Variants in PAMR1 observed in about 807,000 individuals in gnomAD.
The protein encoded by PAMR1 is inactive serine protease PAMR1.
In PAMR1, 88 loss-of-function variants were observed where a neutral mutation model predicts 81.8. The observed-to-expected ratio is 1.08, with a 90% CI of 0.91 to 1.28. The LOEUF is 1.28. PAMR1 is among the 50% of genes most tolerant of loss of function. PAMR1 has a pLI of 0.00. For missense variants in PAMR1, 935 were observed against 919.7 expected (o/e 1.02, Z -0.21); for synonymous variants, 336 against 345.3 (o/e 0.97, Z 0.30).
At chr11:35,527,597 G>C (rs1420038082), upstream of PAMR1, among the ~76,000 whole-genome samples, 2 of 152,190 alleles carry the variant, frequency 1.3e-5, no homozygotes, top group African/African-American at 4.8e-5. Context: ...GGTTCACCTT[G>C]TTGCTGGCCA....
At chr11:35,438,167 A>G (rs1856092257) in intron 8 of PAMR1, among the ~76,000 whole-genome samples, 2 of 152,220 alleles carry the variant, frequency 1.3e-5, no homozygotes, top group Admixed American at 1.3e-4. Flanking sequence ...CAGATACTGA[A>G]TTTACATCCT....
intron 6 of PAMR1, among the ~76,000 whole-genome samples, chr11:35,467,675 T>G (rs1370178275): frequency 6.6e-6 from 1 of 152,228 alleles, no homozygotes; most frequent in Non-Finnish European, 1.5e-5. Flanking sequence ...TGGACAGGGA[T>G]ACAGACTGAG....
rs570700623 is a variant in PAMR1, at chr11:35,518,538, A to G, written c.73+6975T>C. The stretch of plus-strand genomic sequence containing the variant: ...CGGAGCACTAATTCCACTGGATGGT[A>G]TAAAGGAAAAGACAAAAAGAGGCTC... On this transcript the variant is annotated intron_variant, in intron 1 of 10. Transcript: ENST00000619888. Among the ~76,000 whole-genome samples the G allele has an allele frequency of 2.2e-5, 3 of 139,486 alleles. No homozygotes were observed. In the South Asian group the frequency reaches 6.9e-4, roughly 32 times the overall value. 91.5% of individuals were successfully genotyped at this position (139,486 alleles called of 152,430 possible). A position where few individuals can be genotyped will look rare whatever the true frequency, so the allele number is the denominator to read the frequency against.
At chr11:35,472,089 G>T (rs890826545) in intron 4 of PAMR1, among the ~76,000 whole-genome samples, 2 of 152,204 alleles carry the variant, frequency 1.3e-5, no homozygotes, top group Non-Finnish European at 2.9e-5. Flanking sequence ...ACAAAGGGTT[G>T]ATCACAGAGC....
chr11:35,457,323 C>T (rs189151161), intron 6 of PAMR1, among the ~76,000 whole-genome samples: 20 of 152,208 alleles, frequency 1.3e-4, no homozygotes, highest in African/African-American at 4.6e-4. Flanking sequence ...GAATCCATCT[C>T]TGCCCTCAGC....
chr11:35,515,694 C>T (rs899102485), intron 1 of PAMR1, among the ~76,000 whole-genome samples: 1 of 152,180 alleles, frequency 6.6e-6, no homozygotes, highest in Non-Finnish European at 1.5e-5. Flanking sequence ...CAAGAACCTG[C>T]CACCAGCCCT....
intron 6 of PAMR1, among the ~76,000 whole-genome samples, chr11:35,453,615 GA>G: frequency 6.6e-6 from 1 of 152,270 alleles, no homozygotes; most frequent in African/African-American, 2.4e-5. Context: ...CACCTCATCA[GA>G]GCTCCTCCCC....
intron 1 of PAMR1, among the ~76,000 whole-genome samples, chr11:35,506,660 G>A (rs1469151526): frequency 6.6e-6 from 1 of 151,602 alleles, no homozygotes; most frequent in Non-Finnish European, 1.5e-5. Flanking sequence ...TTTCCACTCA[G>A]AAGTCTGTTG....
At chr11:35,459,259 T>A (rs1856600477) in intron 6 of PAMR1, among the ~76,000 whole-genome samples, 3 of 152,248 alleles carry the variant, frequency 2.0e-5, no homozygotes, top group Admixed American at 2.0e-4. Context: ...CAGCTGAAAC[T>A]GCCTGTGCCT....
rs115205961 is a variant in PAMR1, at chr11:35,432,649, C to T, written c.1870G>A (p.Val624Met). ...NDTLRSGVVS[V>M]VDSLLCEEQH... The stretch of plus-strand genomic sequence containing the variant: ...TCCTCACACAGCAGCGAGTCCACCA[C>T]ACTGACCACCCCAGAGCGCAGTGTG... The change falls in exon 11 of 11, where the codon GTG becomes ATG. Residue 624 changes from valine (V) to methionine (M), a missense_variant. Coordinates refer to ENST00000619888, the MANE Select transcript of PAMR1 (RefSeq NM_001001991.3). 2,078 of 1,614,016 alleles carry T rather than the reference C, an allele frequency of 1.3e-3. 25 individuals are homozygous for T. The African/African-American group carries it at 0.025, about 20-fold the overall frequency.
At chr11:35,501,072 G>T (rs937347009) in intron 1 of PAMR1, among the ~76,000 whole-genome samples, 2 of 151,228 alleles carry the variant, frequency 1.3e-5, no homozygotes, top group Non-Finnish European at 1.5e-5. Flanking sequence ...AAAAATATTT[G>T]CTTCAGTAAT....
At chr11:35,519,461 T>C (rs1450074449) in intron 1 of PAMR1, among the ~76,000 whole-genome samples, 1 of 152,210 alleles carries the variant, frequency 6.6e-6, no homozygotes, top group East Asian at 1.9e-4. Context: ...TTAGCAATTC[T>C]GTTCCTCTGC....
chr11:35,522,016 A>G (rs548494396), intron 1 of PAMR1, among the ~76,000 whole-genome samples: 6 of 151,914 alleles, frequency 3.9e-5, no homozygotes, highest in Non-Finnish European at 8.8e-5. Context: ...TCCACCTCCC[A>G]GGTTCACACC....
chr11:35,465,330 A>G (rs1856736705), intron 6 of PAMR1, among the ~76,000 whole-genome samples: 1 of 152,070 alleles, frequency 6.6e-6, no homozygotes, highest in South Asian at 2.1e-4. Context: ...AAAAAAAAAG[A>G]GCCTAGTCTA....
At chr11:35,511,653 C>T (rs1368855375) in intron 1 of PAMR1, among the ~76,000 whole-genome samples, 2 of 152,188 alleles carry the variant, frequency 1.3e-5, no homozygotes, top group Non-Finnish European at 2.9e-5. Context: ...ATTCTATAAA[C>T]TTTCTGAGAC....
chr11:35,506,414 T>G (rs1013312286), intron 1 of PAMR1, among the ~76,000 whole-genome samples: 12 of 55,672 alleles, frequency 2.2e-4, no homozygotes, highest in Middle Eastern at 6.0e-3. Flanking sequence ...CATGTTAGTG[T>G]TTTTTTTTTG....
chr11:35,488,564 CAT>C (rs67627648), intron 3 of PAMR1, among the ~76,000 whole-genome samples: 78,969 of 150,732 alleles, frequency 0.52, 24,127 homozygotes, highest in Non-Finnish European at 0.67. Flanking sequence ...TTTATTTACT[CAT>C]ATAAACTATC....
chr11:35,506,541 TTTCCTA>T (rs1356206585), intron 1 of PAMR1, among the ~76,000 whole-genome samples: 1 of 152,042 alleles, frequency 6.6e-6, no homozygotes, highest in Non-Finnish European at 1.5e-5. Context: ...TTTATCTCTT[TTTCCTA>T]TTCAAAGGGT....
At chr11:35,508,769 T>G (rs1851022944) in intron 1 of PAMR1, among the ~76,000 whole-genome samples, 1 of 152,036 alleles carries the variant, frequency 6.6e-6, no homozygotes, top group African/African-American at 2.4e-5. Flanking sequence ...TACTCACTGT[T>G]TAACTCCCAC....
Sources: gnomAD v4.1 joint callset for allele counts (sites outside exome capture counted in the v4.1 genomes callset) on GRCh38, gnomAD v4.1.1 for gene constraint, MANE v1.5 for transcripts, NCBI Gene and HGNC (gene_info 2026-07-23, HGNC 2026-07-21) for gene names.